Variants in TENM2 observed in about 807,000 individuals in gnomAD.
TENM2 encodes teneurin transmembrane protein 2, also known as teneurin-2.
In TENM2, 52 loss-of-function variants were observed where a neutral mutation model predicts 245.2. That is an observed-to-expected ratio of 0.21 (90% CI 0.17 to 0.27). TENM2 has a LOEUF of 0.27. Ranked by LOEUF, TENM2 falls within the 10% of genes least tolerant of loss-of-function variation. TENM2 has a pLI of 1.00. For missense variants in TENM2, 3,046 were observed against 3,666.8 expected (o/e 0.83, Z 4.37); for synonymous variants, 1,363 against 1,438.9 (o/e 0.95, Z 1.19).
Position 168,182,917 on chromosome 5 carries a change from G to A in TENM2, c.2570-7420G>A, listed in dbSNP as rs187137453. On this transcript the variant is annotated intron_variant, in intron 13 of 28. Transcript: ENST00000518659. ...GCAATTGGGCCTCACTGCAACCTCC[G>A]CCTCCCGCGTTCAAGCGATTCTTCT... Among the ~76,000 whole-genome samples, 642 of 138,224 alleles carry A rather than the reference G, an allele frequency of 4.6e-3. 3 individuals are homozygous for A. Among genetic ancestry groups the A allele is most frequent in the African/African-American group, 0.017 (614 of 36,210 alleles). The allele number at this position is 138,224 out of a possible 152,430, so 90.7% of individuals were successfully genotyped here.
the TENM2 span, among the ~76,000 whole-genome samples, chr5:167,212,894 T>G: frequency 1.3e-5 from 2 of 152,214 alleles, no homozygotes; most frequent in African/African-American, 2.4e-5. Context: ...CTTTAACAAG[T>G]ATTGCCGGTT....
chr5:167,102,575 C>CAGT, the TENM2 span, among the ~76,000 whole-genome samples: 1 of 152,214 alleles, frequency 6.6e-6, no homozygotes, highest in Non-Finnish European at 1.5e-5. Flanking sequence ...TAAATAGGTG[C>CAGT]AGTCTAGCAC....
At chr5:167,631,352 G>C (rs1468954339) in intron 2 of TENM2, among the ~76,000 whole-genome samples, 2 of 152,156 alleles carry the variant, frequency 1.3e-5, no homozygotes, top group Non-Finnish European at 2.9e-5. Flanking sequence ...GCCAAGGCTT[G>C]AACTTGGTGC....
At chr5:167,509,134 G>A (rs1247854407) in intron 2 of TENM2, among the ~76,000 whole-genome samples, 1 of 152,130 alleles carries the variant, frequency 6.6e-6, no homozygotes, top group Non-Finnish European at 1.5e-5. Flanking sequence ...TAATATTTTA[G>A]CGTGTGCTAT....
chr5:167,428,770 A>G (rs1764034017), intron 2 of TENM2, among the ~76,000 whole-genome samples: 1 of 152,156 alleles, frequency 6.6e-6, no homozygotes, highest in Admixed American at 6.6e-5. Flanking sequence ...AATGATATCC[A>G]CCTTCAATAA....
the TENM2 span, among the ~76,000 whole-genome samples, chr5:167,259,874 A>G: frequency 4.6e-5 from 7 of 152,318 alleles, no homozygotes; most frequent in African/African-American, 1.4e-4. Flanking sequence ...ATGTACCAAT[A>G]AAGTTAAGAG....
At chr5:167,038,878 A>G in the TENM2 span, among the ~76,000 whole-genome samples, 1 of 152,100 alleles carries the variant, frequency 6.6e-6, no homozygotes, top group Non-Finnish European at 1.5e-5. Context: ...TATCTCTTGT[A>G]GTTTTTGGAA....
At chr5:167,298,510 G>A (rs376510992) in intron 1 of TENM2, among the ~76,000 whole-genome samples, 1 of 152,206 alleles carries the variant, frequency 6.6e-6, no homozygotes, top group African/African-American at 2.4e-5. Context: ...GGCTGAGGCA[G>A]GAGAATGGCG....
intron 3 of TENM2, among the ~76,000 whole-genome samples, chr5:167,900,589 C>T (rs1323924959): frequency 6.6e-6 from 1 of 152,140 alleles, no homozygotes; most frequent in Admixed American, 6.5e-5. Flanking sequence ...TGTGAGAATT[C>T]ATCGAAAATG....
chr5:167,472,593 G>A (rs776484904), intron 2 of TENM2, among the ~76,000 whole-genome samples: 8 of 152,088 alleles, frequency 5.3e-5, no homozygotes, highest in Non-Finnish European at 1.0e-4. Flanking sequence ...TAGAGTGACC[G>A]GGAAAGAAAA....
At chr5:167,124,806 C>T in the TENM2 span, among the ~76,000 whole-genome samples, 1 of 152,018 alleles carries the variant, frequency 6.6e-6, no homozygotes, top group South Asian at 2.1e-4. Context: ...TTGGTTTCTC[C>T]ATTGTCTAAA....
At chr5:167,532,065 A>G (rs577929501) in intron 2 of TENM2, among the ~76,000 whole-genome samples, 1 of 152,246 alleles carries the variant, frequency 6.6e-6, no homozygotes, top group African/African-American at 2.4e-5. Context: ...GTGTGGCCTC[A>G]TCTTTAATCT....
the TENM2 span, among the ~76,000 whole-genome samples, chr5:167,080,542 C>A: frequency 6.6e-6 from 1 of 152,044 alleles, no homozygotes; most frequent in Non-Finnish European, 1.5e-5. Context: ...CACACTTACC[C>A]CACCTCTGTG....
chr5:167,550,631 C>T (rs760597263), intron 2 of TENM2, among the ~76,000 whole-genome samples: 1 of 151,556 alleles, frequency 6.6e-6, no homozygotes, highest in African/African-American at 2.4e-5. Flanking sequence ...GACAACACCC[C>T]GGACACCGCG....
intron 9 of TENM2, among the ~76,000 whole-genome samples, chr5:168,105,437 G>A (rs1794164159): frequency 6.6e-6 from 1 of 152,168 alleles, no homozygotes; most frequent in African/African-American, 2.4e-5. Context: ...GGCAGGAAGG[G>A]GAACCTGGGG....
At chr5:168,063,955 C>CTCCATCCA (rs3083411) in intron 7 of TENM2, among the ~76,000 whole-genome samples, 25 of 151,564 alleles carry the variant, frequency 1.6e-4, no homozygotes, top group East Asian at 1.2e-3. Flanking sequence ...TCAGTGAGTC[C>CTCCATCCA]TCCATCCATC....
At chr5:167,827,630 G>GA (rs906878337) in intron 2 of TENM2, among the ~76,000 whole-genome samples, 3 of 130,620 alleles carry the variant, frequency 2.3e-5, no homozygotes, top group Non-Finnish European at 4.9e-5. Context: ...TAGGTGGGCG[G>GA]GGGGGGGGGA....
intron 2 of TENM2, among the ~76,000 whole-genome samples, chr5:167,656,141 C>T (rs932074055): frequency 6.6e-6 from 1 of 152,072 alleles, no homozygotes; most frequent in African/African-American, 2.4e-5. Context: ...AAATAAATGC[C>T]ATCTTTTAAC....
chr5:167,080,526 T>A, the TENM2 span, among the ~76,000 whole-genome samples: 1 of 152,182 alleles, frequency 6.6e-6, no homozygotes, highest in African/African-American at 2.4e-5. Context: ...GTGGTTGCCA[T>A]TTGTGCACAC....
Sources: gnomAD v4.1 joint callset for allele counts (sites outside exome capture counted in the v4.1 genomes callset) on GRCh38, gnomAD v4.1.1 for gene constraint, MANE v1.5 for transcripts, NCBI Gene and HGNC (gene_info 2026-07-23, HGNC 2026-07-21) for gene names.